The following PLD5 variants were observed in gnomAD, a reference collection of about 807,000 sequenced individuals.
PLD5 encodes the protein phospholipase D family member 5, also known as inactive phospholipase D5.
In PLD5, 36 loss-of-function variants were observed where a neutral mutation model predicts 61.1. That is an observed-to-expected ratio of 0.59 (90% CI 0.45 to 0.78). PLD5 has a LOEUF of 0.78. Among genes scored for constraint, PLD5 ranks in the 30% least tolerant of loss-of-function variants. The probability of loss-of-function intolerance (pLI) is 0.00; values close to 1 mark genes in which losing one functional copy is unlikely to be tolerated. For synonymous variants in PLD5, 243 were observed against 242.8 expected (o/e 1.00, Z -0.01); for missense variants, 515 against 644.4 (o/e 0.80, Z 2.17).
At chr1:242,132,192 C>CGGGGG (rs58312459) in intron 5 of PLD5, among the ~76,000 whole-genome samples, 12 of 20,782 alleles carry the variant, frequency 5.8e-4, no homozygotes, top group South Asian at 1.0e-3. Context: ...GCAGTGATTG[C>CGGGGG]GGGGGGGGGG....
At chr1:242,166,898 T>A (rs536744463) in intron 5 of PLD5, among the ~76,000 whole-genome samples, 17 of 152,212 alleles carry the variant, frequency 1.1e-4, no homozygotes, top group African/African-American at 4.1e-4. Flanking sequence ...GTTAGTGGTA[T>A]GATATGCTTC....
chr1:242,215,241 C>G (rs982181819), intron 5 of PLD5, among the ~76,000 whole-genome samples: 2 of 151,986 alleles, frequency 1.3e-5, no homozygotes, highest in Non-Finnish European at 2.9e-5. Flanking sequence ...AAAATTAAAA[C>G]TGATAATGGT....
chr1:242,089,249 T>C lies in PLD5; in HGVS notation c.*605A>G, dbSNP rs1388894525. The C allele has an allele frequency of 5.0e-6, 2 of 398,700 alleles. No homozygotes were observed. The highest frequency in any genetic ancestry group is 4.4e-5 in the Admixed American group (1 of 22,754). 24.7% of individuals were successfully genotyped at this position (398,700 alleles called of 1,614,324 possible). ...GGTGAATACAGAAAATGCTATATAA[T>C]AGGAACATTTTGTGAGAAGAGAAAA... On this transcript the variant is annotated 3_prime_UTR_variant, in exon 10 of 10. Transcript: ENST00000536534.
intron 2 of PLD5, among the ~76,000 whole-genome samples, chr1:242,327,464 G>A (rs1658870552): frequency 6.6e-6 from 1 of 152,150 alleles, no homozygotes; most frequent in Admixed American, 6.5e-5. Context: ...GCAATTCCTT[G>A]TATTAGCCCT....
chr1:242,376,950 G>A (rs1313599105), intron 1 of PLD5: 2 of 1,609,384 alleles, frequency 1.2e-6, no homozygotes, highest in Admixed American at 3.3e-5. Context: ...CATCCTTTTG[G>A]ATTTGATGAA....
At position 242,230,945 on chromosome 1, in the gene PLD5, A is replaced by T. The variant is rs548537445; in HGVS notation, c.608-10830T>A. Among the ~76,000 whole-genome samples, 10 of 152,216 alleles carry T rather than the reference A, an allele frequency of 6.6e-5. No homozygotes were observed. In the South Asian group the frequency reaches 1.0e-3, roughly 16 times the overall value. On this transcript the variant is annotated intron_variant, in intron 4 of 9. Coordinates refer to ENST00000536534, the MANE Select transcript of PLD5 (RefSeq NM_001372062.1). ...GGGAAATACTGTGCTTTGATTATAT[A>T]TAACCTTCTAGTCCAACAGTTAAGC...
At chr1:242,260,237 CT>C (rs386641253) in intron 4 of PLD5, among the ~76,000 whole-genome samples, 1,837 of 152,056 alleles carry the variant, frequency 0.012, 48 homozygotes, top group African/African-American at 0.042. Context: ...ATCCCAGCTA[CT>C]TGGGAGGCTG....
intron 1 of PLD5, among the ~76,000 whole-genome samples, chr1:242,417,049 T>C (rs1467391466): frequency 6.6e-6 from 1 of 152,146 alleles, no homozygotes; most frequent in Non-Finnish European, 1.5e-5. Context: ...TGGCTGTAAG[T>C]GTAGCCCAAA....
chr1:242,310,342 A>G (rs557090020), intron 2 of PLD5, among the ~76,000 whole-genome samples: 2 of 152,288 alleles, frequency 1.3e-5, no homozygotes, highest in Non-Finnish European at 2.9e-5. Flanking sequence ...ATCTTCCCAG[A>G]AAGACCAGTG....
chr1:242,206,542 C>T (rs962436581), intron 5 of PLD5, among the ~76,000 whole-genome samples: 1 of 152,158 alleles, frequency 6.6e-6, no homozygotes, highest in African/African-American at 2.4e-5. Context: ...CTACTAATAG[C>T]CTACTGTTGA....
chr1:242,417,404 A>G (rs1260912539), intron 1 of PLD5, among the ~76,000 whole-genome samples: 1 of 152,236 alleles, frequency 6.6e-6, no homozygotes, highest in East Asian at 1.9e-4. Flanking sequence ...ACCCTTTTCC[A>G]TGGCAACAAT....
At chr1:242,303,091 A>G (rs1328036369) in intron 2 of PLD5, among the ~76,000 whole-genome samples, 1 of 152,202 alleles carries the variant, frequency 6.6e-6, no homozygotes, top group Non-Finnish European at 1.5e-5. Context: ...GAACAATTGC[A>G]ATGGACAACA....
At chr1:242,175,797 C>T (rs1316106536) in intron 5 of PLD5, among the ~76,000 whole-genome samples, 2 of 152,172 alleles carry the variant, frequency 1.3e-5, no homozygotes. Flanking sequence ...CATTCCTATA[C>T]ACCAATAATA....
At chr1:242,430,409 T>C (rs1399065843) in intron 1 of PLD5, among the ~76,000 whole-genome samples, 1 of 152,016 alleles carries the variant, frequency 6.6e-6, no homozygotes, top group Admixed American at 6.6e-5. Context: ...AGAGCACTAA[T>C]CCCATCTTGG....
chr1:242,231,759 C>T (rs1169637417), intron 4 of PLD5, among the ~76,000 whole-genome samples: 2 of 152,010 alleles, frequency 1.3e-5, no homozygotes, highest in Non-Finnish European at 2.9e-5. Flanking sequence ...ATAGGATTGG[C>T]AGCACTGAAT....
At chr1:242,488,289 T>C (rs1398770055) in intron 1 of PLD5, among the ~76,000 whole-genome samples, 1 of 152,332 alleles carries the variant, frequency 6.6e-6, no homozygotes, top group South Asian at 2.1e-4. Flanking sequence ...AGCAGCTTTA[T>C]TTATAATTGC....
At chr1:242,183,834 G>A (rs1008750648) in intron 5 of PLD5, among the ~76,000 whole-genome samples, 18 of 152,284 alleles carry the variant, frequency 1.2e-4, no homozygotes, top group South Asian at 4.1e-4. Context: ...GGCGGAGCTC[G>A]CAGTGAGCAG....
chr1:242,107,964 C>A lies in PLD5; in HGVS notation c.1071-125G>T, dbSNP rs920752123. The stretch of plus-strand genomic sequence containing the variant: ...TTTATCCTGTAATATATATAAGCAA[C>A]CTCATCGGAGAGGCTGAAAAACATA... On this transcript the variant is annotated intron_variant, in intron 7 of 9. Transcript: ENST00000536534. The A allele has an allele frequency of 3.3e-6, 3 of 901,412 alleles. No homozygotes were observed. The South Asian group carries it at 7.3e-5, about 22-fold the overall frequency. The allele number at this position is 901,412 out of a possible 1,614,324, so 55.8% of individuals were successfully genotyped here. A position where few individuals can be genotyped will look rare whatever the true frequency, so the allele number is the denominator to read the frequency against.
intron 5 of PLD5, among the ~76,000 whole-genome samples, chr1:242,200,797 G>A (rs1287657423): frequency 6.6e-6 from 1 of 152,154 alleles, no homozygotes; most frequent in Non-Finnish European, 1.5e-5. Context: ...ACGCAGGGGT[G>A]CAAGTGAAGA....
Sources: gnomAD v4.1 joint callset for allele counts (sites outside exome capture counted in the v4.1 genomes callset) on GRCh38, gnomAD v4.1.1 for gene constraint, MANE v1.5 for transcripts, NCBI Gene and HGNC (gene_info 2026-07-23, HGNC 2026-07-21) for gene names.